The following NFASC variants were observed in gnomAD, a reference collection of about 807,000 sequenced individuals.
NFASC encodes neurofascin.
NFASC carries 43 observed loss-of-function variants against 147.5 expected under a neutral mutation model. The observed-to-expected ratio is 0.29, with a 90% CI of 0.23 to 0.38. The LOEUF (loss-of-function observed/expected upper bound fraction) is 0.38, where lower values mean the gene tolerates loss of function less well. Among genes scored for constraint, NFASC ranks in the 10% least tolerant of loss-of-function variants. NFASC has a pLI of 1.00. For synonymous variants in NFASC, 622 were observed against 665.5 expected (o/e 0.93, Z 1.01); for missense variants, 1,320 against 1,689.0 (o/e 0.78, Z 3.83).
At chr1:204,862,959 A>G (rs562150350) in intron 1 of NFASC, among the ~76,000 whole-genome samples, 1 of 152,354 alleles carries the variant, frequency 6.6e-6, no homozygotes, top group Non-Finnish European at 1.5e-5. Context: ...CACTTAGGCC[A>G]ATGTGCTGGG....
intron 1 of NFASC, among the ~76,000 whole-genome samples, chr1:204,836,819 A>C (rs1018731870): frequency 1.3e-5 from 2 of 152,256 alleles, no homozygotes; most frequent in Non-Finnish European, 2.9e-5. Context: ...TTTGTCATCC[A>C]CATTGGGAGC....
chr1:204,959,220 G>A (rs2094555632), intron 8 of NFASC, among the ~76,000 whole-genome samples: 1 of 151,770 alleles, frequency 6.6e-6, no homozygotes, highest in South Asian at 2.1e-4. Flanking sequence ...CTGCCTTGCA[G>A]TGTCCCCACA....
chr1:204,935,797 T>C (rs2092765812), intron 2 of NFASC, among the ~76,000 whole-genome samples: 2 of 152,124 alleles, frequency 1.3e-5, no homozygotes, highest in Admixed American at 1.3e-4. Context: ...GCCTGGCGTG[T>C]TCCTCCTCAC....
chr1:204,940,954 T>A (rs895075781), intron 2 of NFASC, among the ~76,000 whole-genome samples: 3 of 152,266 alleles, frequency 2.0e-5, no homozygotes, highest in Admixed American at 6.5e-5. Context: ...CTTTTGCACA[T>A]ATACCTTAGA....
At chr1:204,845,910 A>T (rs57000595) in intron 1 of NFASC, among the ~76,000 whole-genome samples, 8,035 of 152,086 alleles carry the variant, frequency 0.053, 602 homozygotes, top group African/African-American at 0.17. Context: ...TCTTGCTCCC[A>T]ATAAGCTCAT....
chr1:204,962,959 T>G (rs1193179798), intron 8 of NFASC, among the ~76,000 whole-genome samples: 2 of 152,188 alleles, frequency 1.3e-5, no homozygotes, highest in African/African-American at 4.8e-5. Flanking sequence ...AAGAATGTCT[T>G]ATTTTCCCTG....
chr1:204,936,257 A>C (rs749743931), intron 2 of NFASC, among the ~76,000 whole-genome samples: 1 of 125,030 alleles, frequency 8.0e-6, no homozygotes, highest in Non-Finnish European at 1.6e-5. Context: ...GCTGGAGTGC[A>C]GTGGCACAAT....
chr1:204,995,247 C>A (rs947132052), intron 24 of NFASC, among the ~76,000 whole-genome samples: 2 of 151,916 alleles, frequency 1.3e-5, no homozygotes, highest in Non-Finnish European at 2.9e-5. Flanking sequence ...CTGCAGGGAG[C>A]AGGCCTGGGA....
intron 1 of NFASC, among the ~76,000 whole-genome samples, chr1:204,883,388 T>C (rs1215623307): frequency 6.6e-6 from 1 of 152,204 alleles, no homozygotes; most frequent in Non-Finnish European, 1.5e-5. Flanking sequence ...TAAACTCTGC[T>C]TTCTAGCCCC....
chr1:204,962,369 C>G (rs1009812059), intron 8 of NFASC, among the ~76,000 whole-genome samples: 3 of 152,202 alleles, frequency 2.0e-5, no homozygotes, highest in African/African-American at 7.2e-5. Context: ...ACAGGCATGC[C>G]TCAAGTTGCT....
At chr1:204,906,532 A>G (rs946752036) in intron 1 of NFASC, among the ~76,000 whole-genome samples, 8 of 152,156 alleles carry the variant, frequency 5.3e-5, no homozygotes, top group African/African-American at 1.9e-4. Flanking sequence ...TCAGTAGAAC[A>G]TTGCTTTATA....
chr1:204,923,967 G>A (rs2091023063), intron 2 of NFASC, among the ~76,000 whole-genome samples: 1 of 152,222 alleles, frequency 6.6e-6, no homozygotes, highest in African/African-American at 2.4e-5. Flanking sequence ...TCACCTGTGA[G>A]TTTCTAATAA....
intron 1 of NFASC, among the ~76,000 whole-genome samples, chr1:204,857,916 C>CTT (rs777663775): frequency 1.5e-5 from 2 of 133,694 alleles, no homozygotes; most frequent in Admixed American, 7.9e-5. Context: ...CCTTCTTCTT[C>CTT]TTCTTTTTTT....
intron 1 of NFASC, among the ~76,000 whole-genome samples, chr1:204,840,596 G>A (rs1449041749): frequency 1.3e-5 from 2 of 152,146 alleles, no homozygotes; most frequent in South Asian, 2.1e-4. Flanking sequence ...GATGCCAAGG[G>A]CTCTGTCACT....
chr1:204,998,627 C>G lies in NFASC; in HGVS notation c.3019+1221C>G, dbSNP rs180928321. 14 of 152,308 alleles carry G rather than the reference C, an allele frequency of 9.2e-5. No individual in the cohort carries two copies. The East Asian group carries it at 2.5e-3, about 27-fold the overall frequency. 9.4% of individuals were successfully genotyped at this position (152,308 alleles called of 1,614,324 possible). A position where few individuals can be genotyped will look rare whatever the true frequency, so the allele number is the denominator to read the frequency against. On this transcript the variant is annotated intron_variant, in intron 25 of 29. Transcript: ENST00000339876. ...CCATCTAGAACTTAACAGGCACTTT[C>G]GGAAAAAGTTGGCTGAGGAGGAACC...
chr1:205,002,082 CCCTACAG>C (rs1423802123), intron 26 of NFASC, among the ~76,000 whole-genome samples: 2 of 152,174 alleles, frequency 1.3e-5, no homozygotes, highest in African/African-American at 2.4e-5. Flanking sequence ...CCCCTATTCA[CCCTACAG>C]CCTACATGCA....
At chr1:204,964,570 TACAG>T (rs1023406302) in intron 8 of NFASC, among the ~76,000 whole-genome samples, 14 of 152,226 alleles carry the variant, frequency 9.2e-5, no homozygotes, top group Non-Finnish European at 2.9e-5. Context: ...GGGTTAAACT[TACAG>T]GAGAAATTTC....
At position 204,968,687 on chromosome 1, in the gene NFASC, T is replaced by A. The variant is rs1186081995; in HGVS notation, c.819-111T>A. ...AAGATCAGCTTTTAGAGGACATGCA[T>A]CCTCCTGGGCCCAAGTATACTTTTA... On this transcript the variant is annotated intron_variant, in intron 9 of 29. Transcript: ENST00000339876. This position sits in a 1 kb window ranked among gnomAD's most constrained non-coding sequence, Gnocchi z 5.4. 3.2e-6 allele frequency: 3 copies of A among 929,512 alleles called. No individual in the cohort carries two copies. The Admixed American group carries it at 8.1e-5, about 25-fold the overall frequency. 57.6% of individuals were successfully genotyped at this position (929,512 alleles called of 1,614,324 possible).
At chr1:204,853,037 C>T (rs777808277) in intron 1 of NFASC, among the ~76,000 whole-genome samples, 4 of 152,176 alleles carry the variant, frequency 2.6e-5, no homozygotes, top group Non-Finnish European at 4.4e-5. Context: ...CTCCTCCCAG[C>T]CTGGCTTGAT....
Sources: allele counts gnomAD v4.1 joint callset (sites outside exome capture counted in the v4.1 genomes callset), GRCh38; gene constraint gnomAD v4.1.1; non-coding constraint Gnocchi (gnomAD v3.1); transcripts MANE v1.5; gene names NCBI Gene and HGNC (gene_info 2026-07-23, HGNC 2026-07-21).